Variants in SMAD5 observed in about 807,000 individuals in gnomAD.
The protein encoded by SMAD5 is SMAD family member 5, also known as MAD, mothers against decapentaplegic homolog 5.
SMAD5 carries 9 observed loss-of-function variants against 43.1 expected under a neutral mutation model. That is an observed-to-expected ratio of 0.21 (90% confidence interval 0.13 to 0.36). SMAD5 has a LOEUF of 0.36. Among genes scored for constraint, SMAD5 ranks in the 10% least tolerant of loss-of-function variants. SMAD5 has a pLI of 1.00. For missense variants in SMAD5, 348 were observed against 574.0 expected, an observed-to-expected ratio of 0.61 and a Z score of 4.02; for synonymous variants, 190 against 192.4, an observed-to-expected ratio of 0.99 and a Z score of 0.10.
rs1429731036 is a variant in SMAD5 at position 136,177,596 on chromosome 5, C to T, written c.*116C>T. 3 of 754,868 alleles carry T rather than the reference C, an allele frequency of 4.0e-6. No individual in the cohort carries two copies. Among genetic ancestry groups the T allele is most frequent in the Non-Finnish European group, 6.3e-6 (3 of 476,290 alleles). 46.8% of individuals were successfully genotyped at this position (754,868 alleles called of 1,614,324 possible). Reference sequence around the variant, plus strand: ...AACAGATATTACAGCTTATTTTTTTCTACATAATTGTGACCAATACATTTG... The same window carrying T: ...AACAGATATTACAGCTTATTTTTTTTTACATAATTGTGACCAATACATTTG... On this transcript the variant is annotated 3_prime_UTR_variant, in exon 8 of 8. Transcript: ENST00000545279.
chr5:136,164,486 G>A (rs1753929577), intron 5 of SMAD5, among the ~76,000 whole-genome samples: 2 of 152,144 alleles, frequency 1.3e-5, no homozygotes, highest in South Asian at 4.1e-4. Flanking sequence ...TCTCTAATGA[G>A]CAATGATGAG....
chr5:136,134,224 G>A (rs1241404092), intron 1 of SMAD5: 1 of 152,604 alleles, frequency 6.6e-6, no homozygotes, highest in Non-Finnish European at 1.5e-5. Context: ...AGCAAAGATT[G>A]AATAGGTGGA....
chr5:136,168,238 C>T (rs2149777987), intron 5 of SMAD5, among the ~76,000 whole-genome samples: 1 of 152,240 alleles, frequency 6.6e-6, no homozygotes, highest in Non-Finnish European at 1.5e-5. Context: ...TTCCATGTAT[C>T]TCTTCTACCC....
chr5:136,157,749 G>C (rs1474187610), intron 3 of SMAD5, among the ~76,000 whole-genome samples: 1 of 152,190 alleles, frequency 6.6e-6, no homozygotes, highest in Admixed American at 6.5e-5. Flanking sequence ...TGGAAATACA[G>C]ATGAAGCTTC....
At chr5:136,177,217 C>T (rs878932797) in intron 7 of SMAD5, 120 bp from the exon 8 acceptor site, 7 of 784,774 alleles carry the variant, frequency 8.9e-6, no homozygotes, top group Non-Finnish European at 1.5e-5. Context: ...TAGTTATTCT[C>T]TTTATGTAAC....
chr5:136,140,024 T>C (rs1227926871), intron 1 of SMAD5, among the ~76,000 whole-genome samples: 1 of 132,244 alleles, frequency 7.6e-6, no homozygotes, highest in Non-Finnish European at 1.6e-5. Flanking sequence ...AGGATAACTC[T>C]TTTTTTTTTT....
chr5:136,156,485 G>A (rs1172556809), intron 3 of SMAD5, among the ~76,000 whole-genome samples: 1 of 152,210 alleles, frequency 6.6e-6, no homozygotes, highest in Non-Finnish European at 1.5e-5. Flanking sequence ...ATAGCAGATA[G>A]CAGTGATTAT....
chr5:136,174,936 T>G (rs1754361498), intron 7 of SMAD5, among the ~76,000 whole-genome samples: 1 of 152,208 alleles, frequency 6.6e-6, no homozygotes, highest in Non-Finnish European at 1.5e-5. Flanking sequence ...TTAGTCCATT[T>G]TCATGCTGCT....
intron 3 of SMAD5, among the ~76,000 whole-genome samples, chr5:136,158,823 C>G (rs188355322): frequency 0.013 from 2,007 of 151,784 alleles, 42 homozygotes; most frequent in African/African-American, 0.046. Context: ...GGCGTGAACC[C>G]GGGAGGTGGA....
chr5:136,157,378 G>A (rs1302292682), intron 3 of SMAD5, among the ~76,000 whole-genome samples: 2 of 152,148 alleles, frequency 1.3e-5, no homozygotes, highest in Non-Finnish European at 2.9e-5. Flanking sequence ...TTTCATGGAA[G>A]ACAGTCTTTC....
At position 136,181,494 on chromosome 5, in the gene SMAD5, G is replaced by T. The variant is rs538783015; in HGVS notation, c.*4014G>T. ...AGTTTTCCTAAGTGGTGGTTTATAG[G>T]TGGTATCAGATATTATTAGGGCAGC... is the stretch of plus-strand genomic sequence containing the variant. On this transcript the variant is annotated 3_prime_UTR_variant, in exon 8 of 8. Transcript: ENST00000545279. 6.6e-6 allele frequency: 1 copy of T among 152,248 alleles called. No homozygotes were observed. The highest frequency in any genetic ancestry group is 2.4e-5 in the African/African-American group (1 of 41,554). The allele number at this position is 152,248 out of a possible 1,614,324, so 9.4% of individuals were successfully genotyped here.
intron 1 of SMAD5, among the ~76,000 whole-genome samples, chr5:136,143,589 C>A (rs1256249245): frequency 6.6e-6 from 1 of 151,936 alleles, no homozygotes; most frequent in Admixed American, 6.6e-5. Flanking sequence ...AGCCTCCCTT[C>A]CTCATTTGGC....
At chr5:136,135,496 G>C (rs1429353399) in intron 1 of SMAD5, among the ~76,000 whole-genome samples, 1 of 152,110 alleles carries the variant, frequency 6.6e-6, no homozygotes, top group East Asian at 1.9e-4. Context: ...TTTGTAACTT[G>C]GTCAAATTAA....
Position 136,143,362 on chromosome 5 carries a change from TCTTA to T in SMAD5, c.-244-4466_-244-4463del, listed in dbSNP as rs561509188. Reference sequence around the variant, plus strand: ...CTACGCTTTGTCCCCCTAGTTAGTCTCTTACTTGGTCCTTTGTTGTTGGAATTTT... The same window carrying T: ...CTACGCTTTGTCCCCCTAGTTAGTCTCTTGGTCCTTTGTTGTTGGAATTTT... On this transcript the variant is annotated intron_variant, in intron 1 of 7. Transcript: ENST00000545279. 2.0e-4 allele frequency among the ~76,000 whole-genome samples: 31 copies of T among 152,086 alleles called. No individual in the cohort carries two copies. In the Middle Eastern group the frequency reaches 0.01, roughly 50 times the overall value.
chr5:136,148,058 G>A (rs543964765), intron 2 of SMAD5, among the ~76,000 whole-genome samples, 152 bp downstream of exon 2: 2 of 151,754 alleles, frequency 1.3e-5, no homozygotes, highest in South Asian at 4.2e-4. Context: ...TGAGTAAAAG[G>A]TCTGATTTTA....
intron 1 of SMAD5, among the ~76,000 whole-genome samples, chr5:136,135,315 A>C (rs566399304): frequency 2.6e-5 from 4 of 152,344 alleles, no homozygotes; most frequent in Non-Finnish European, 4.4e-5. Flanking sequence ...CTGGGTTTTA[A>C]TTCTTGGCTG....
intron 1 of SMAD5, among the ~76,000 whole-genome samples, chr5:136,139,463 A>G (rs1454172785): frequency 6.6e-6 from 1 of 152,054 alleles, no homozygotes; most frequent in Non-Finnish European, 1.5e-5. Context: ...GTCCAGGCTG[A>G]TACCTTGGAA....
intron 7 of SMAD5, among the ~76,000 whole-genome samples, chr5:136,175,877 C>T (rs1236725917): frequency 1.3e-5 from 2 of 152,116 alleles, no homozygotes; most frequent in East Asian, 1.9e-4. Flanking sequence ...CTCCCCTGAC[C>T]GCCCTCCCTC....
Position 136,181,327 on chromosome 5 carries a change from T to C in SMAD5, c.*3847T>C, listed in dbSNP as rs906818875. ...AAGAATGTCAGATCCCTTCTTTGTC[T>C]TACTAGTTAAATCCTCACCTAATCT... On this transcript the variant is annotated 3_prime_UTR_variant, in exon 8 of 8. Coordinates refer to ENST00000545279, the MANE Select transcript of SMAD5 (RefSeq NM_005903.7). 6.6e-6 allele frequency: 1 copy of C among 152,186 alleles called. No homozygotes were observed. The highest frequency in any genetic ancestry group is 1.5e-5 in the Non-Finnish European group (1 of 67,996). The allele number at this position is 152,186 out of a possible 1,614,324, so 9.4% of individuals were successfully genotyped here. A position where few individuals can be genotyped will look rare whatever the true frequency, so the allele number is the denominator to read the frequency against.
Sources: gnomAD v4.1 joint callset for allele counts (sites outside exome capture counted in the v4.1 genomes callset) on GRCh38, gnomAD v4.1.1 for gene constraint, MANE v1.5 for transcripts, NCBI Gene and HGNC (gene_info 2026-07-23, HGNC 2026-07-21) for gene names.